Variants in RAB27A observed in about 807,000 individuals in gnomAD.
RAB27A encodes the protein ras-related protein Rab-27A.
A neutral mutation model predicts 20.8 loss-of-function variants in RAB27A; 17 were observed. The ratio of observed to expected loss-of-function variants is 0.82; its 90% CI spans 0.56 to 1.23. RAB27A has a LOEUF of 1.23. Among genes scored for constraint, RAB27A ranks in the 50% most tolerant of loss-of-function variants. The pLI is 0.00. For missense variants in RAB27A, 277 were observed against 266.7 expected (o/e 1.04, Z -0.27); for synonymous variants, 85 against 92.8 (o/e 0.92, Z 0.48).
chr15:55,254,492 A>G (rs1398403106), intron 2 of RAB27A, among the ~76,000 whole-genome samples: 1 of 152,096 alleles, frequency 6.6e-6, no homozygotes, highest in Non-Finnish European at 1.5e-5. Context: ...TATAAAAATT[A>G]TAATTTTTAA....
In RAB27A at chr15:55,234,864, C is replaced by G. The variant is rs746770347; in HGVS notation, c.71G>C (p.Ser24Thr). 3 of 1,611,704 alleles carry G rather than the reference C, an allele frequency of 1.9e-6. No individual in the cohort carries two copies. Among genetic ancestry groups the G allele is most frequent in the South Asian group, 2.2e-5 (2 of 91,040 alleles). ...ACCATCTGTATATTGGTAAAGTACA[C>G]TGGTCTTCCCTACACCAGAGTCTCC... ...ALGDSGVGKT[S>T]VLYQYTDGKF... Residue 24 changes from serine (S) to threonine (T), a missense_variant, in exon 3 of 7, where the codon AGT becomes ACT. Transcript: ENST00000336787.
intron 2 of RAB27A, among the ~76,000 whole-genome samples, chr15:55,264,812 G>A (rs967468676): frequency 1.3e-5 from 2 of 152,150 alleles, no homozygotes; most frequent in African/African-American, 4.8e-5. Context: ...AGTAGCTCAT[G>A]AGCACATCAA....
intron 2 of RAB27A, among the ~76,000 whole-genome samples, chr15:55,312,732 G>A (rs2055026605): frequency 6.6e-6 from 1 of 152,136 alleles, no homozygotes; most frequent in South Asian, 2.1e-4. Context: ...ATCAAAAGCA[G>A]CTTACTTTAA....
At chr15:55,265,562 T>C (rs1897442825) in intron 2 of RAB27A, among the ~76,000 whole-genome samples, 1 of 151,406 alleles carries the variant, frequency 6.6e-6, no homozygotes, top group Non-Finnish European at 1.5e-5. Context: ...TATAAGCAAA[T>C]AATTCTTGAT....
At chr15:55,270,978 CT>C (rs1256827446) in intron 1 of RAB27A, 2 of 152,258 alleles carry the variant, frequency 1.3e-5, no homozygotes, top group Non-Finnish European at 2.9e-5. Context: ...CTCTCTGCCC[CT>C]CCCACTTCCA....
intron 1 of RAB27A, among the ~76,000 whole-genome samples, chr15:55,284,116 G>T (rs1268389007): frequency 6.6e-6 from 1 of 152,160 alleles, no homozygotes; most frequent in East Asian, 1.9e-4. Flanking sequence ...CTGAAATATG[G>T]TATTCAAATA....
At chr15:55,219,822 T>C (rs1051337222) in intron 6 of RAB27A, among the ~76,000 whole-genome samples, 3 of 152,204 alleles carry the variant, frequency 2.0e-5, no homozygotes, top group African/African-American at 7.2e-5. Context: ...ATATAATACA[T>C]TGGAAACCAT....
exon 1 of RAB27A, chr15:55,319,045 C>A (rs2055098121): frequency 1.7e-6 from 1 of 593,468 alleles, no homozygotes; most frequent in Admixed American, 3.3e-5. Flanking sequence ...ACCGCCAAGC[C>A]AAAGGCGAGT....
chr15:55,210,077 C>T (rs1224908074), intron 6 of RAB27A, among the ~76,000 whole-genome samples: 932 of 83,188 alleles, frequency 0.011, 10 homozygotes, highest in African/African-American at 0.069. Flanking sequence ...TGTACATATA[C>T]ATATATACAC....
intron 2 of RAB27A, among the ~76,000 whole-genome samples, chr15:55,296,469 A>C (rs1289479943): frequency 6.6e-6 from 1 of 151,988 alleles, no homozygotes; most frequent in Admixed American, 6.6e-5. Flanking sequence ...GTGCCACTGC[A>C]CTCCAGCTTG....
intron 2 of RAB27A, among the ~76,000 whole-genome samples, chr15:55,248,346 C>T (rs894367250): frequency 3.3e-5 from 5 of 152,144 alleles, no homozygotes; most frequent in African/African-American, 1.2e-4. Context: ...CCCTCATCTC[C>T]AGGTACTATT....
At chr15:55,298,527 C>T (rs559994814) in intron 2 of RAB27A, among the ~76,000 whole-genome samples, 40 of 152,198 alleles carry the variant, frequency 2.6e-4, no homozygotes, top group African/African-American at 7.9e-4. Flanking sequence ...GGAGGCAGGG[C>T]GAGATCACAG....
rs372952364 is a variant in RAB27A at position 55,210,427 on chromosome 15, A to AG, written c.468-4723dup. Among the ~76,000 whole-genome samples the AG allele has an allele frequency of 3.1e-3, 363 of 115,832 alleles. 1 individual carries two copies. The highest frequency in any genetic ancestry group is 9.6e-3 in the East Asian group (36 of 3,768). 76.0% of individuals were successfully genotyped at this position (115,832 alleles called of 152,430 possible). A position where few individuals can be genotyped will look rare whatever the true frequency, so the allele number is the denominator to read the frequency against. ...TTTAGGTGTGGTTTTTTTTTTTTTG[A>AG]GGGGGGGGGAATTACTGCCTATATT... On this transcript the variant is annotated intron_variant, in intron 6 of 6. Coordinates refer to ENST00000336787, the MANE Select transcript of RAB27A (RefSeq NM_183235.3).
chr15:55,224,547 A>G (rs767778424), intron 5 of RAB27A, among the ~76,000 whole-genome samples: 2 of 152,230 alleles, frequency 1.3e-5, no homozygotes, highest in Non-Finnish European at 2.9e-5. Context: ...ACAGGCTTCA[A>G]TGAGAAGAAA....
intron 2 of RAB27A, among the ~76,000 whole-genome samples, chr15:55,236,693 G>A (rs538244328): frequency 6.6e-5 from 10 of 152,184 alleles, no homozygotes; most frequent in South Asian, 2.1e-4. Flanking sequence ...CTCTCCAGGG[G>A]AGGTTTACTT....
intron 2 of RAB27A, among the ~76,000 whole-genome samples, chr15:55,249,289 T>C (rs778518260): frequency 5.9e-5 from 9 of 152,190 alleles, no homozygotes; most frequent in Non-Finnish European, 1.2e-4. Flanking sequence ...AGTGTATTTA[T>C]TTAGAGGCAG....
intron 2 of RAB27A, among the ~76,000 whole-genome samples, chr15:55,302,812 G>A: frequency 7.1e-6 from 1 of 140,088 alleles, no homozygotes; most frequent in African/African-American, 2.8e-5. Context: ...CGCCCCGTCT[G>A]AGAAGTGAGG....
chr15:55,229,658 T>C (rs1443222658), intron 4 of RAB27A, among the ~76,000 whole-genome samples: 1 of 149,810 alleles, frequency 6.7e-6, no homozygotes, highest in East Asian at 2.0e-4. Flanking sequence ...AGAATGAAAC[T>C]CCGCCCAAAA....
At chr15:55,274,468 T>C (rs1178976981) in intron 1 of RAB27A, among the ~76,000 whole-genome samples, 2 of 151,842 alleles carry the variant, frequency 1.3e-5, no homozygotes, top group Admixed American at 1.3e-4. Context: ...GACTGTTTTT[T>C]GAAAAAATAA....
Sources: allele counts gnomAD v4.1 joint callset (sites outside exome capture counted in the v4.1 genomes callset), GRCh38; gene constraint gnomAD v4.1.1; transcripts MANE v1.5; gene names NCBI Gene and HGNC (gene_info 2026-07-23, HGNC 2026-07-21).